ATG10: variants seen among roughly 807,000 people sequenced by gnomAD.
The protein encoded by ATG10 is autophagy related 10.
In ATG10, 30 loss-of-function variants were observed where a neutral mutation model predicts 32.1. The ratio of observed to expected loss-of-function variants is 0.94; its 90% CI spans 0.70 to 1.27. The LOEUF is 1.27. Among genes scored for constraint, ATG10 ranks in the 50% most tolerant of loss-of-function variants. The pLI is 0.00. For synonymous variants in ATG10, 87 were observed against 91.5 expected (o/e 0.95, Z 0.28); for missense variants, 233 against 262.3 (o/e 0.89, Z 0.77).
At chr5:82,155,235 CT>C (rs1440059003) in intron 3 of ATG10, among the ~76,000 whole-genome samples, 4 of 152,092 alleles carry the variant, frequency 2.6e-5, no homozygotes, top group African/African-American at 4.8e-5. Context: ...TATCATTGTC[CT>C]TTTAAGGCTC....
rs1413279614 is a variant in ATG10, at chr5:81,983,747, A to G, written c.-12-3812A>G. Among the ~76,000 whole-genome samples the G allele has an allele frequency of 4.4e-3, 634 of 142,742 alleles. 16 individuals are homozygous for G. Among genetic ancestry groups the G allele is most frequent in the African/African-American group, 0.016 (599 of 36,592 alleles). 93.6% of individuals were successfully genotyped at this position (142,742 alleles called of 152,430 possible). A position where few individuals can be genotyped will look rare whatever the true frequency, so the allele number is the denominator to read the frequency against. ...CGTAGGGGCTTCTCACTTCTCAGACAGGGCGGCTGCTGGGCGGAGGGTCTC... is the reference window on the plus strand; with the variant it reads ...CGTAGGGGCTTCTCACTTCTCAGACGGGGCGGCTGCTGGGCGGAGGGTCTC... On this transcript the variant is annotated intron_variant, in intron 1 of 7. Transcript: ENST00000282185.
At chr5:82,084,003 C>T (rs993669486) in intron 3 of ATG10, among the ~76,000 whole-genome samples, 1 of 152,190 alleles carries the variant, frequency 6.6e-6, no homozygotes, top group Non-Finnish European at 1.5e-5. Flanking sequence ...GAGAAGAAGG[C>T]TTCAGACGAT....
At chr5:82,030,761 A>G (rs541520305) in intron 2 of ATG10, among the ~76,000 whole-genome samples, 3 of 152,190 alleles carry the variant, frequency 2.0e-5, no homozygotes, top group Admixed American at 1.3e-4. Flanking sequence ...TATAATCCCT[A>G]CGTGACAGCC....
intron 5 of ATG10, among the ~76,000 whole-genome samples, chr5:82,192,878 AC>A (rs1350244523): frequency 2.0e-5 from 3 of 152,218 alleles, no homozygotes; most frequent in Non-Finnish European, 2.9e-5. Context: ...GACATAGTAT[AC>A]TTAGTACATT....
intron 3 of ATG10, among the ~76,000 whole-genome samples, chr5:82,163,087 A>C (rs1161994735): frequency 6.6e-6 from 1 of 152,136 alleles, no homozygotes; most frequent in Non-Finnish European, 1.5e-5. Flanking sequence ...AAGCAACCCA[A>C]TTATTGACCA....
intron 3 of ATG10, among the ~76,000 whole-genome samples, chr5:82,161,385 TC>T (rs1303619731): frequency 6.6e-6 from 1 of 152,102 alleles, no homozygotes; most frequent in Non-Finnish European, 1.5e-5. Flanking sequence ...AGAAGCTTGT[TC>T]TGTCCCCTCC....
intron 3 of ATG10, among the ~76,000 whole-genome samples, chr5:82,141,049 A>C (rs547922830): frequency 6.0e-4 from 73 of 121,812 alleles, no homozygotes; most frequent in African/African-American, 2.2e-3. Flanking sequence ...AGTCATCACC[A>C]ATCCCTAATC....
chr5:82,065,153 C>T (rs941323020), intron 3 of ATG10, among the ~76,000 whole-genome samples: 3 of 152,084 alleles, frequency 2.0e-5, no homozygotes, highest in African/African-American at 4.8e-5. Flanking sequence ...ATTTTCTTTA[C>T]CAGTGACCAA....
chr5:82,092,575 G>C (rs1412636478), intron 3 of ATG10, among the ~76,000 whole-genome samples: 1 of 152,134 alleles, frequency 6.6e-6, no homozygotes, highest in Admixed American at 6.6e-5. Flanking sequence ...GGGACTAAGA[G>C]GCTGCTACCT....
At chr5:81,998,974 T>C (rs962129265) in intron 2 of ATG10, among the ~76,000 whole-genome samples, 2 of 151,846 alleles carry the variant, frequency 1.3e-5, no homozygotes, top group Non-Finnish European at 2.9e-5. Flanking sequence ...TATTAGATTG[T>C]TGAGGCAGAA....
chr5:82,094,839 G>T (rs769306654), intron 3 of ATG10, among the ~76,000 whole-genome samples: 2 of 152,072 alleles, frequency 1.3e-5, no homozygotes, highest in Non-Finnish European at 2.9e-5. Context: ...TGAAGTGGAT[G>T]TTTATTAACA....
chr5:82,117,576 A>C (rs1158393548), intron 3 of ATG10, among the ~76,000 whole-genome samples: 9 of 152,118 alleles, frequency 5.9e-5, no homozygotes, highest in Non-Finnish European at 1.0e-4. Flanking sequence ...TGGCACTCTC[A>C]AAGTACACTA....
intron 5 of ATG10, among the ~76,000 whole-genome samples, chr5:82,230,088 C>T (rs772048868): frequency 3.3e-5 from 5 of 152,184 alleles, no homozygotes; most frequent in Non-Finnish European, 5.9e-5. Context: ...TGTTCTCTTG[C>T]ATCAGGTCAC....
intron 2 of ATG10, among the ~76,000 whole-genome samples, chr5:82,007,797 C>T (rs1479768873): frequency 1.3e-5 from 2 of 151,528 alleles, no homozygotes; most frequent in East Asian, 3.9e-4. Flanking sequence ...TTTGCCTACC[C>T]ATTTACTTTT....
At chr5:82,211,477 C>T (rs1745489877) in intron 5 of ATG10, among the ~76,000 whole-genome samples, 1 of 152,186 alleles carries the variant, frequency 6.6e-6, no homozygotes. Flanking sequence ...CCCTGCTATA[C>T]TTTCCACTAT....
At chr5:82,191,567 G>A (rs570833530) in intron 5 of ATG10, among the ~76,000 whole-genome samples, 3 of 152,164 alleles carry the variant, frequency 2.0e-5, no homozygotes, top group Admixed American at 1.3e-4. Context: ...GACACAAAAA[G>A]ATTAAGTAAC....
intron 2 of ATG10, among the ~76,000 whole-genome samples, chr5:82,003,258 T>A (rs992863587): frequency 6.6e-6 from 1 of 152,212 alleles, no homozygotes; most frequent in Non-Finnish European, 1.5e-5. Context: ...ACTGGAAATA[T>A]CAGTAGGAAT....
chr5:81,973,555 C>G (rs910953882), intron 1 of ATG10, among the ~76,000 whole-genome samples: 3 of 152,190 alleles, frequency 2.0e-5, no homozygotes, highest in African/African-American at 7.2e-5. Flanking sequence ...TTTAATAAAT[C>G]TTTGTCACAG....
chr5:81,983,046 C>T, intron 1 of ATG10, among the ~76,000 whole-genome samples: 1 of 152,234 alleles, frequency 6.6e-6, no homozygotes, highest in East Asian at 1.9e-4. Context: ...GTCATCATGG[C>T]CCATTCTCAA....
Sources: allele counts gnomAD v4.1 joint callset (sites outside exome capture counted in the v4.1 genomes callset), GRCh38; gene constraint gnomAD v4.1.1; transcripts MANE v1.5; gene names NCBI Gene and HGNC (gene_info 2026-07-23, HGNC 2026-07-21).